MYLK2: variants seen among roughly 807,000 people sequenced by gnomAD.
MYLK2 encodes the protein myosin light chain kinase 2, skeletal/cardiac muscle.
MYLK2 carries 27 observed loss-of-function variants against 58.2 expected under a neutral mutation model. The observed-to-expected ratio is 0.46, with a 90% CI of 0.34 to 0.64. The LOEUF (loss-of-function observed/expected upper bound fraction) is 0.64, where lower values mean the gene tolerates loss of function less well. Among genes scored for constraint, MYLK2 ranks in the 30% least tolerant of loss-of-function variants. The probability of loss-of-function intolerance (pLI) is 0.01; values close to 1 mark genes in which losing one functional copy is unlikely to be tolerated. For missense variants in MYLK2, 676 were observed against 764.3 expected (o/e 0.88, Z 1.36); for synonymous variants, 310 against 296.7 (o/e 1.04, Z -0.46).
intron 8 of MYLK2, among the ~76,000 whole-genome samples, chr20:31,830,055 C>T (rs1047955654): frequency 6.6e-6 from 1 of 152,198 alleles, no homozygotes; most frequent in African/African-American, 2.4e-5. Context: ...ATCACAAGGC[C>T]AGTGCTGGAG....
In MYLK2 at chr20:31,821,498, G is replaced by A; in HGVS notation, c.533G>A (p.Gly178Glu). The stretch of plus-strand genomic sequence containing the variant: ...GAGGCATCAGAGCTCACCTTTGAAG[G>A]GGTGCCCATGACCCACAGCCCCACG... ...PSEASELTFE[G>E]VPMTHSPTDP... Residue 178 changes from glycine (G) to glutamate (E), a missense_variant, in exon 4 of 13, where the codon GGG (glycine) becomes GAG (glutamate). Physicochemically the swap from Gly to Glu is moderately conservative, Grantham distance 98 (BLOSUM62 -2). Around this residue, in one of 2 missense-constraint regions of MYLK2, gnomAD observed 306 missense variants for 296.5 expected, o/e 1.03. Transcript: ENST00000375985. 1 of 1,613,990 alleles carries A rather than the reference G, an allele frequency of 6.2e-7. No individual in the cohort carries two copies. The highest frequency in any genetic ancestry group is 8.5e-7 in the Non-Finnish European group (1 of 1,180,046).
chr20:31,824,352 G>A lies in MYLK2; in HGVS notation c.972G>A (p.Lys324=), dbSNP rs34146416. 6.2e-7 allele frequency: 1 copy of A among 1,610,596 alleles called. No individual in the cohort carries two copies. The highest frequency in any genetic ancestry group is 8.5e-7 in the Non-Finnish European group (1 of 1,178,052). ...KVIKKQTPKD[K]EMVLLEIEVM... ...TCAAGAAACAGACTCCCAAAGACAAGGTAGTGAGGTTGCGGGGGTGGTGGC... is the reference window on the plus strand; with the variant it reads ...TCAAGAAACAGACTCCCAAAGACAAAGTAGTGAGGTTGCGGGGGTGGTGGC... Residue 324 remains lysine, a splice_region_variant and synonymous_variant, in exon 6 of 13, where the codon AAG becomes AAA. Coordinates refer to ENST00000375985, the MANE Select transcript of MYLK2 (RefSeq NM_033118.4).
rs1293428275 is a variant in MYLK2 at position 31,824,166 on chromosome 20, T to G, written c.879-93T>G. 4 of 1,548,726 alleles carry G rather than the reference T, an allele frequency of 2.6e-6. No individual in the cohort carries two copies. The African/African-American group carries it at 5.5e-5, about 21-fold the overall frequency. On this transcript the variant is annotated intron_variant, in intron 5 of 12. Transcript: ENST00000375985. Reference sequence around the variant, plus strand: ...ACCAAAGGGGATCCAGAGGCACCACTGGGTCTGGGACCAAGTTAGGATCAG... The same window carrying G: ...ACCAAAGGGGATCCAGAGGCACCACGGGGTCTGGGACCAAGTTAGGATCAG...
chr20:31,821,691 G>A lies in MYLK2; in HGVS notation c.726G>A (p.Gln242=), dbSNP rs145772898. The change falls in exon 4 of 13, where the codon CAG becomes CAA. Residue 242 remains glutamine (Q), a synonymous_variant. Coordinates refer to ENST00000375985, the MANE Select transcript of MYLK2 (RefSeq NM_033118.4). ...CCTCAGAGAAATCCGAGGTGGGGCA[G>A]GCCCTCTGTCTCACAGCCAGGGAGG... ...AVPSEKSEVG[Q]ALCLTAREED... 293 of 1,612,032 alleles carry A rather than the reference G, an allele frequency of 1.8e-4. No homozygotes were observed. Among genetic ancestry groups the A allele is most frequent in the Admixed American group, 4.2e-4 (25 of 59,980 alleles).
Position 31,832,279 on chromosome 20 carries a change from G to C in MYLK2, c.1710+143G>C, listed in dbSNP as rs540329527. The stretch of plus-strand genomic sequence containing the variant: ...TCCGGAAGACAGGGTTGACTTTTCT[G>C]TTTTTGCCCTGGGCTGGCTCCTGTC... On this transcript the variant is annotated intron_variant, in intron 12 of 12. Coordinates refer to ENST00000375985, the MANE Select transcript of MYLK2 (RefSeq NM_033118.4). 3.3e-5 allele frequency: 42 copies of C among 1,254,218 alleles called. No homozygotes were observed. In the African/African-American group the frequency reaches 6.1e-4, roughly 18 times the overall value. 77.7% of individuals were successfully genotyped at this position (1,254,218 alleles called of 1,614,324 possible). A position where few individuals can be genotyped will look rare whatever the true frequency, so the allele number is the denominator to read the frequency against.
At chr20:31,833,585 C>A (rs1009878332) in intron 12 of MYLK2, 132 bp from the exon 13 acceptor site, 6 of 807,346 alleles carry the variant, frequency 7.4e-6, no homozygotes, top group African/African-American at 6.7e-5. Flanking sequence ...CCTCCCGTGG[C>A]CATTTTGGGC....
At chr20:31,824,720 G>A (rs552623648) in intron 6 of MYLK2, among the ~76,000 whole-genome samples, 1 of 152,356 alleles carries the variant, frequency 6.6e-6, no homozygotes, top group African/African-American at 2.4e-5. Flanking sequence ...GGGAGCTGAA[G>A]CCAAGGTAAA....
In MYLK2 at chr20:31,820,142, T is replaced by G; in HGVS notation, c.69T>G (p.Gly23=). 6.2e-7 allele frequency: 1 copy of G among 1,613,712 alleles called. No individual in the cohort carries two copies. The highest frequency in any genetic ancestry group is 8.5e-7 in the Non-Finnish European group (1 of 1,179,980). The change falls in exon 3 of 13, where the codon GGT becomes GGG. Residue 23 remains glycine (G), a synonymous_variant. Transcript: ENST00000375985. ...CCTCTGCAGACAAGGCACCTAAAGG[T>G]CCCACAGGTGAAAGACCCCTGGCTG... The part of the protein sequence containing the change: ...QNPSTDKAPK[G]PTGERPLAAG...
Position 31,832,019 on chromosome 20 carries a change from T to C in MYLK2, c.1593T>C (p.Ala531=), listed in dbSNP as rs1473812014. 3 of 1,609,516 alleles carry C rather than the reference T, an allele frequency of 1.9e-6. No individual in the cohort carries two copies. The highest frequency in any genetic ancestry group is 2.7e-5 in the African/African-American group (2 of 74,834). ...IVKDQRARMN[A]AQCLAHPWLN... ...TCTCCCCCAGGGCCCGGATGAACGC[T>C]GCCCAGTGTCTCGCCCATCCCTGGC... Residue 531 remains alanine, a synonymous_variant, in exon 12 of 13, where the codon GCT becomes GCC. Transcript: ENST00000375985.
Position 31,824,243 on chromosome 20 carries a change from C to A in MYLK2, c.879-16C>A, listed in dbSNP as rs374274739. 6.2e-7 allele frequency: 1 copy of A among 1,611,756 alleles called. No individual in the cohort carries two copies. Among genetic ancestry groups the A allele is most frequent in the Non-Finnish European group, 8.5e-7 (1 of 1,178,874 alleles). ...GGCTCTGGGGTCCCCTCACTTACAG[C>A]CTCTTCTCTTTCCAGTGGCAAGTTT... On this transcript the variant is annotated splice_polypyrimidine_tract_variant and intron_variant, in intron 5 of 12. Coordinates refer to ENST00000375985, the MANE Select transcript of MYLK2 (RefSeq NM_033118.4).
Position 31,834,057 on chromosome 20 carries a change from ACTCCAGGCCCCCGTTGAAGCCG to A in MYLK2, c.*265_*286del. ...CTCCAGCCTGTCGGCCACACCCCAG[ACTCCAGGCCCCCGTTGAAGCCG>A]CTCCCGGTTCCCTCCCCAGCTCCTC... On this transcript the variant is annotated 3_prime_UTR_variant, in exon 13 of 13. Transcript: ENST00000375985. 1 of 523,424 alleles carries A rather than the reference ACTCCAGGCCCCCGTTGAAGCCG, an allele frequency of 1.9e-6. No individual in the cohort carries two copies. The highest frequency in any genetic ancestry group is 3.5e-6 in the Non-Finnish European group (1 of 289,824). The allele number at this position is 523,424 out of a possible 1,614,324, so 32.4% of individuals were successfully genotyped here.
chr20:31,820,701 A>G (rs1048484356), intron 3 of MYLK2, among the ~76,000 whole-genome samples, 155 bp downstream of exon 3: 1 of 152,164 alleles, frequency 6.6e-6, no homozygotes, highest in African/African-American at 2.4e-5. Context: ...AATTGCCTCT[A>G]CCGCCTTGTC....
At chr20:31,820,661 G>T in intron 3 of MYLK2, 115 bp downstream of exon 3, 1 of 1,314,648 alleles carries the variant, frequency 7.6e-7, no homozygotes, top group South Asian at 1.3e-5. Flanking sequence ...GGGGAGTGTA[G>T]TTCTGACATT....
intron 5 of MYLK2, chr20:31,823,950 C>CCCCAGGG (rs2062265476): frequency 1.0e-6 from 1 of 985,262 alleles, no homozygotes; most frequent in Non-Finnish European, 1.2e-6. Flanking sequence ...AGGTGCCCTC[C>CCCCAGGG]CCCAGGGCCC....
intron 8 of MYLK2, among the ~76,000 whole-genome samples, chr20:31,827,887 T>TTC (rs1375618927): frequency 1.4e-5 from 2 of 145,730 alleles, no homozygotes; most frequent in African/African-American, 5.2e-5. Context: ...ATCTGCTTTT[T>TTC]TTTTTTTTTT....
chr20:31,823,250 T>A (rs1223555391), intron 4 of MYLK2, among the ~76,000 whole-genome samples: 1 of 152,230 alleles, frequency 6.6e-6, no homozygotes, highest in African/African-American at 2.4e-5. Context: ...TCCCGTTTGT[T>A]CTGCCAGGAG....
At chr20:31,829,168 C>T (rs933418522) in intron 8 of MYLK2, among the ~76,000 whole-genome samples, 1 of 152,138 alleles carries the variant, frequency 6.6e-6, no homozygotes, top group Admixed American at 6.5e-5. Context: ...AGAATAGGGT[C>T]CCCCAATTAA....
At chr20:31,830,294 A>G (rs1469198282) in intron 8 of MYLK2, among the ~76,000 whole-genome samples, 2 of 152,156 alleles carry the variant, frequency 1.3e-5, no homozygotes, top group African/African-American at 4.8e-5. Flanking sequence ...GATGTTTTGT[A>G]GCTCATCATC....
chr20:31,826,671 G>T lies in MYLK2; in HGVS notation c.1039G>T (p.Ala347Ser). 6.2e-7 allele frequency: 1 copy of T among 1,614,142 alleles called. No homozygotes were observed. The highest frequency in any genetic ancestry group is 8.5e-7 in the Non-Finnish European group (1 of 1,180,034). The change falls in exon 7 of 13, where the codon GCA (alanine) becomes TCA (serine). Residue 347 changes from alanine (A) to serine (S), a missense_variant. By Grantham distance (99) the Ala-to-Ser change is moderately conservative (BLOSUM62 1). This residue lies in a region of MYLK2 where 370 missense variants were observed against 467.8 expected (regional missense o/e 0.79). Transcript: ENST00000375985. Reference protein sequence around the residue: ...LNHRNLIQLYAAIETPHEIVL... With the variant: ...LNHRNLIQLYSAIETPHEIVL... ...CCACCGCAATCTGATCCAGCTGTATGCAGCCATCGAGACTCCGCATGAGAT... is the reference window on the plus strand; with the variant it reads ...CCACCGCAATCTGATCCAGCTGTATTCAGCCATCGAGACTCCGCATGAGAT...
Sources: allele counts gnomAD v4.1 joint callset (sites outside exome capture counted in the v4.1 genomes callset), GRCh38; gene constraint gnomAD v4.1.1; regional missense constraint gnomAD v4.1.1; transcripts MANE v1.5; gene names NCBI Gene and HGNC (gene_info 2026-07-23, HGNC 2026-07-21).